Variants in SRPK2 observed in about 807,000 individuals in gnomAD.
SRPK2 encodes the protein SRSF protein kinase 2, also known as SFRS protein kinase 2.
In SRPK2, 21 loss-of-function variants were observed where a neutral mutation model predicts 90.8. The ratio of observed to expected loss-of-function variants is 0.23; its 90% CI spans 0.16 to 0.33. SRPK2 has a LOEUF of 0.33. SRPK2 is among the 10% of genes least tolerant of loss of function. The pLI is 1.00. For missense variants in SRPK2, 620 were observed against 869.0 expected (o/e 0.71, Z 3.60); for synonymous variants, 288 against 311.1 (o/e 0.93, Z 0.78).
rs1461088982 is a variant in SRPK2, at chr7:105,337,151, T to C, written c.71+51497A>G. 2.6e-5 allele frequency among the ~76,000 whole-genome samples: 4 copies of C among 152,190 alleles called. No individual in the cohort carries two copies. In the East Asian group the frequency reaches 7.7e-4, roughly 29 times the overall value. ...ATGTTAATTTTGTTGATTGTGATAA[T>C]GCATTATGATTATGTAATAAATGCA... is the stretch of plus-strand genomic sequence containing the variant. On this transcript the variant is annotated intron_variant, in intron 2 of 15. Transcript: ENST00000393651.
At chr7:105,215,720 AATCAAAGCCAGCC>A (rs1797381716) in intron 2 of SRPK2, among the ~76,000 whole-genome samples, 1 of 152,178 alleles carries the variant, frequency 6.6e-6, no homozygotes, top group Non-Finnish European at 1.5e-5. Flanking sequence ...AAGTATTATA[AATCAAAGCCAGCC>A]ACCAAAGACC....
chr7:105,233,151 G>GGAAGGAAA (rs1403093725), intron 2 of SRPK2, among the ~76,000 whole-genome samples: 2 of 148,002 alleles, frequency 1.4e-5, no homozygotes, highest in Non-Finnish European at 3.0e-5. Context: ...AAGGAAGGAA[G>GGAAGGAAA]GGGAAAGGGA....
At chr7:105,247,144 C>A (rs985661082) in intron 2 of SRPK2, among the ~76,000 whole-genome samples, 3 of 152,138 alleles carry the variant, frequency 2.0e-5, no homozygotes, top group Non-Finnish European at 4.4e-5. Flanking sequence ...CACAAGGCCA[C>A]ATAGTAACAA....
chr7:105,196,565 A>G (rs1794940545), intron 3 of SRPK2, among the ~76,000 whole-genome samples: 1 of 152,202 alleles, frequency 6.6e-6, no homozygotes, highest in African/African-American at 2.4e-5. Context: ...GCAGCCCGTC[A>G]CGGCAAGCAA....
chr7:105,384,882 T>TC (rs34202148), intron 2 of SRPK2, among the ~76,000 whole-genome samples: 1 of 98,366 alleles, frequency 1.0e-5, no homozygotes, highest in East Asian at 1.5e-3. Context: ...CATAGCAACC[T>TC]TTTTTTTTTT....
intron 3 of SRPK2, among the ~76,000 whole-genome samples, chr7:105,194,939 G>C (rs1186903809): frequency 2.0e-5 from 3 of 152,112 alleles, no homozygotes; most frequent in Admixed American, 6.5e-5. Context: ...AAGTCTTCTC[G>C]ATAAATGGTG....
At chr7:105,388,753 C>T in intron 1 of SRPK2, 38 bp downstream of exon 1, 1 of 1,541,848 alleles carries the variant, frequency 6.5e-7, no homozygotes, top group Non-Finnish European at 8.7e-7. Context: ...CCCGGGCTGG[C>T]CGCGTGGCGG....
At chr7:105,139,667 G>A (rs1803412334) in intron 11 of SRPK2, among the ~76,000 whole-genome samples, 1 of 152,164 alleles carries the variant, frequency 6.6e-6, no homozygotes, top group African/African-American at 2.4e-5. Flanking sequence ...TACATGGATT[G>A]TGATGACCAA....
chr7:105,317,660 C>T (rs868801115), intron 2 of SRPK2, among the ~76,000 whole-genome samples: 1 of 152,174 alleles, frequency 6.6e-6, no homozygotes, highest in South Asian at 2.1e-4. Context: ...AGACTGAAGG[C>T]AGACACATAT....
In SRPK2 at chr7:105,381,617, C is replaced by T. The variant is rs76050861; in HGVS notation, c.71+7031G>A. On this transcript the variant is annotated intron_variant, in intron 2 of 15. Coordinates refer to ENST00000393651, the MANE Select transcript of SRPK2 (RefSeq NM_182692.3). ...TCTTACTCTTCTAGCATCCAACACA[C>T]ACCCTGGCACTAGCTATCTGCAGCA... 3.0e-3 allele frequency among the ~76,000 whole-genome samples: 464 copies of T among 152,352 alleles called. 2 individuals carry two copies. Among genetic ancestry groups the T allele is most frequent in the Non-Finnish European group, 5.3e-3 (359 of 68,034 alleles).
intron 2 of SRPK2, among the ~76,000 whole-genome samples, chr7:105,279,405 G>A (rs1289245151): frequency 1.3e-5 from 2 of 152,142 alleles, no homozygotes; most frequent in Non-Finnish European, 2.9e-5. Context: ...AGAAATACTA[G>A]TTCAAAAGGA....
At chr7:105,221,539 T>C (rs1373867874) in intron 2 of SRPK2, among the ~76,000 whole-genome samples, 1 of 152,216 alleles carries the variant, frequency 6.6e-6, no homozygotes, top group African/African-American at 2.4e-5. Flanking sequence ...CAAATGCTAC[T>C]TTGGCCCCAA....
At chr7:105,151,956 GGT>G in intron 7 of SRPK2, among the ~76,000 whole-genome samples, 1 of 151,400 alleles carries the variant, frequency 6.6e-6, no homozygotes, top group African/African-American at 2.4e-5. Context: ...CCCAGAAAGC[GGT>G]GGTTGCAGTG....
At chr7:105,134,915 C>G (rs1028703343) in intron 11 of SRPK2, among the ~76,000 whole-genome samples, 6 of 152,202 alleles carry the variant, frequency 3.9e-5, no homozygotes, top group Non-Finnish European at 7.3e-5. Context: ...TCTGCACAGC[C>G]TCACCAAAGG....
At chr7:105,390,511 C>T (rs1822133093), upstream of SRPK2, among the ~76,000 whole-genome samples, 2 of 152,074 alleles carry the variant, frequency 1.3e-5, no homozygotes, top group South Asian at 2.1e-4. Flanking sequence ...TCACTGCAAC[C>T]TCAGCCTCCC....
intron 2 of SRPK2, among the ~76,000 whole-genome samples, chr7:105,264,677 C>T (rs1266245770): frequency 2.6e-5 from 4 of 152,226 alleles, no homozygotes; most frequent in South Asian, 4.1e-4. Flanking sequence ...CACAAACATG[C>T]AAAAAGAAAT....
At chr7:105,203,402 A>T (rs979647434) in intron 3 of SRPK2, among the ~76,000 whole-genome samples, 1 of 152,234 alleles carries the variant, frequency 6.6e-6, no homozygotes, top group African/African-American at 2.4e-5. Flanking sequence ...ATGTACAAAT[A>T]CATGTATTTT....
chr7:105,210,761 G>A (rs1204688800), intron 2 of SRPK2, among the ~76,000 whole-genome samples: 1 of 152,160 alleles, frequency 6.6e-6, no homozygotes, highest in Non-Finnish European at 1.5e-5. Context: ...AAAGCAGAGG[G>A]TTTTCTTTGG....
chr7:105,330,906 G>A (rs957011492), intron 2 of SRPK2, among the ~76,000 whole-genome samples: 3 of 152,066 alleles, frequency 2.0e-5, no homozygotes, highest in Non-Finnish European at 4.4e-5. Context: ...GAAAAGGAGG[G>A]TCCCTTGAAT....
Sources: allele counts gnomAD v4.1 joint callset (sites outside exome capture counted in the v4.1 genomes callset), GRCh38; gene constraint gnomAD v4.1.1; transcripts MANE v1.5; gene names NCBI Gene and HGNC (gene_info 2026-07-23, HGNC 2026-07-21).